Variants in ITPR1 observed in about 807,000 individuals in gnomAD.
ITPR1 encodes inositol 1,4,5-trisphosphate receptor type 1, also known as inositol 1,4,5-trisphosphate-gated calcium channel ITPR1.
A neutral mutation model predicts 318.4 loss-of-function variants in ITPR1; 96 were observed. That is an observed-to-expected ratio of 0.30 (90% CI 0.26 to 0.36). The LOEUF is 0.36. Among genes scored for constraint, ITPR1 ranks in the 10% least tolerant of loss-of-function variants. The pLI is 1.00. For synonymous variants in ITPR1, 1,312 were observed against 1,289.9 expected (o/e 1.02, Z -0.37); for missense variants, 2,440 against 3,460.2 (o/e 0.71, Z 7.40).
intron 42 of ITPR1, among the ~76,000 whole-genome samples, chr3:4,732,069 C>T (rs1197467605): frequency 2.0e-5 from 3 of 152,100 alleles, no homozygotes; most frequent in Non-Finnish European, 4.4e-5. Context: ...TTTATACAGC[C>T]TTTGACTTTT....
At chr3:4,541,065 G>T (rs2084394877) in intron 4 of ITPR1, among the ~76,000 whole-genome samples, 1 of 151,760 alleles carries the variant, frequency 6.6e-6, no homozygotes, top group South Asian at 2.1e-4. Flanking sequence ...GGACATTATA[G>T]AATATTTAAA....
At chr3:4,673,726 A>G (rs1282850900) in intron 21 of ITPR1, among the ~76,000 whole-genome samples, 1 of 151,598 alleles carries the variant, frequency 6.6e-6, no homozygotes, top group Non-Finnish European at 1.5e-5. Context: ...GGGACTACAG[A>G]CGCCCACCAC....
chr3:4,525,591 G>A (rs1421975160), intron 4 of ITPR1, among the ~76,000 whole-genome samples: 1 of 152,138 alleles, frequency 6.6e-6, no homozygotes, highest in East Asian at 1.9e-4. Context: ...CATTGTCCTC[G>A]TAAGGGATGA....
At chr3:4,633,944 C>T (rs1281712790) in intron 5 of ITPR1, among the ~76,000 whole-genome samples, 1 of 152,174 alleles carries the variant, frequency 6.6e-6, no homozygotes, top group Non-Finnish European at 1.5e-5. Flanking sequence ...AACAAAATAA[C>T]CTTTCCTTAC....
At chr3:4,561,271 C>T (rs2086648252) in intron 4 of ITPR1, among the ~76,000 whole-genome samples, 1 of 152,202 alleles carries the variant, frequency 6.6e-6, no homozygotes, top group Admixed American at 6.5e-5. Flanking sequence ...AGTGCAGCAG[C>T]TGCCCTAATG....
chr3:4,727,743 T>C (rs769708889), intron 42 of ITPR1, among the ~76,000 whole-genome samples: 1 of 152,162 alleles, frequency 6.6e-6, no homozygotes, highest in Admixed American at 6.5e-5. Context: ...AGTTTTCTTT[T>C]ATTTTTTATT....
chr3:4,776,263 G>A (rs1243036277), intron 47 of ITPR1, among the ~76,000 whole-genome samples: 1 of 152,058 alleles, frequency 6.6e-6, no homozygotes, highest in Non-Finnish European at 1.5e-5. Context: ...GTAGAGATGG[G>A]GTTTCACCAT....
intron 24 of ITPR1, among the ~76,000 whole-genome samples, chr3:4,677,888 G>A (rs2094216114): frequency 6.7e-6 from 1 of 150,128 alleles, no homozygotes; most frequent in South Asian, 2.1e-4. Context: ...CTTGGTCGTA[G>A]GCATGAAACC....
chr3:4,578,045 C>T (rs1401438043), intron 4 of ITPR1, among the ~76,000 whole-genome samples: 1 of 152,202 alleles, frequency 6.6e-6, no homozygotes, highest in African/African-American at 2.4e-5. Context: ...GCATTCTATA[C>T]TCATCTTGAA....
rs778051422 is a variant in ITPR1, at chr3:4,673,377, G to A, written c.2446G>A (p.Ala816Thr). ...RLWSEIPSEIAIDDYDSSGAS... is the reference protein window; with the variant it reads ...RLWSEIPSEITIDDYDSSGAS... ...CTGGTCGGAGATTCCCTCGGAGATC[G>A]CCATTGACGAGTGAGCCTGGCACCT... The change falls in exon 21 of 62, where the codon GCC becomes ACC. Residue 816 changes from alanine to threonine, a missense_variant. By Grantham distance (58) the Ala-to-Thr change is moderately conservative. Coordinates refer to ENST00000649015, the MANE Select transcript of ITPR1 (RefSeq NM_001378452.1). 3.1e-5 allele frequency: 50 copies of A among 1,604,444 alleles called. No individual in the cohort carries two copies. Among genetic ancestry groups the A allele is most frequent in the Non-Finnish European group, 4.0e-5 (47 of 1,172,738 alleles).
At chr3:4,671,066 G>A (rs1436720126) in intron 20 of ITPR1, 140 bp downstream of exon 20, 1 of 626,048 alleles carries the variant, frequency 1.6e-6, no homozygotes, top group African/African-American at 1.8e-5. Flanking sequence ...CCAGATGTGT[G>A]TTTTAGGAGT....
chr3:4,812,012 A>T (rs370519599), intron 56 of ITPR1, among the ~76,000 whole-genome samples: 3 of 151,454 alleles, frequency 2.0e-5, no homozygotes, highest in Admixed American at 6.6e-5. Context: ...TGGCAGAAGG[A>T]TAACTATAGT....
At chr3:4,756,787 AATT>A (rs1481292856) in intron 44 of ITPR1, among the ~76,000 whole-genome samples, 12 of 152,210 alleles carry the variant, frequency 7.9e-5, no homozygotes, top group Non-Finnish European at 7.3e-5. Flanking sequence ...AACCAACTAG[AATT>A]ATCACTGGAT....
chr3:4,600,346 T>C (rs979464518), intron 4 of ITPR1, among the ~76,000 whole-genome samples: 1 of 152,232 alleles, frequency 6.6e-6, no homozygotes, highest in East Asian at 1.9e-4. Flanking sequence ...TGGTCGTGTA[T>C]TGATTCTGTG....
chr3:4,813,369 G>C (rs1315667349), intron 57 of ITPR1, 135 bp downstream of exon 57: 3 of 614,714 alleles, frequency 4.9e-6, no homozygotes, highest in Middle Eastern at 3.3e-4. Flanking sequence ...GGCTGAGAAA[G>C]AGGAGGGAGA....
intron 44 of ITPR1, among the ~76,000 whole-genome samples, chr3:4,762,600 C>T (rs559884991): frequency 6.6e-6 from 1 of 152,348 alleles, no homozygotes; most frequent in South Asian, 2.1e-4. Context: ...CATCAGTTTG[C>T]ACTGTACTAA....
At chr3:4,550,896 A>T (rs1310307907) in intron 4 of ITPR1, among the ~76,000 whole-genome samples, 1 of 152,060 alleles carries the variant, frequency 6.6e-6, no homozygotes, top group Non-Finnish European at 1.5e-5. Context: ...TAAAAAAAAA[A>T]AAAGAAAGAA....
chr3:4,662,518 T>G lies in ITPR1; in HGVS notation c.1412+276T>G, dbSNP rs2093856548. Among the ~76,000 whole-genome samples, 3 of 152,262 alleles carry G rather than the reference T, an allele frequency of 2.0e-5. No homozygotes were observed. The South Asian group carries it at 6.2e-4, about 32-fold the overall frequency. On this transcript the variant is annotated intron_variant, in intron 15 of 61. Transcript: ENST00000649015. ...TGGGTGGATTACTTGAGGTCAGCAG[T>G]TCGAGACCAGCCTGCCTAACATGGT... is the stretch of plus-strand genomic sequence containing the variant.
At chr3:4,800,995 T>G (rs892576053) in intron 54 of ITPR1, among the ~76,000 whole-genome samples, 2 of 151,992 alleles carry the variant, frequency 1.3e-5, no homozygotes, top group African/African-American at 4.8e-5. Context: ...AAGGGCCACA[T>G]AGAAAAGAGG....
Sources: allele counts gnomAD v4.1 joint callset (sites outside exome capture counted in the v4.1 genomes callset), GRCh38; gene constraint gnomAD v4.1.1; transcripts MANE v1.5; gene names NCBI Gene and HGNC (gene_info 2026-07-23, HGNC 2026-07-21).